The following GPHN variants were observed in gnomAD, a reference collection of about 807,000 sequenced individuals.
GPHN encodes gephyrin.
A neutral mutation model predicts 95.5 loss-of-function variants in GPHN; 17 were observed. The observed-to-expected ratio is 0.18, with a 90% CI of 0.12 to 0.27. The LOEUF (loss-of-function observed/expected upper bound fraction) is 0.27. Among genes scored for constraint, GPHN ranks in the 10% least tolerant of loss-of-function variants. The pLI is 1.00. For missense variants in GPHN, 660 were observed against 978.1 expected, an observed-to-expected ratio of 0.67 and a Z score of 4.34; for synonymous variants, 320 against 322.5, an observed-to-expected ratio of 0.99 and a Z score of 0.08.
At chr14:66,601,438 C>T (rs1199650432) in intron 1 of GPHN, among the ~76,000 whole-genome samples, 2 of 151,854 alleles carry the variant, frequency 1.3e-5, no homozygotes, top group Non-Finnish European at 2.9e-5. Flanking sequence ...ACATCAAATA[C>T]GTTCAATGAT....
the GPHN span, chr14:67,338,425 A>C: frequency 1.8e-6 from 1 of 570,396 alleles, no homozygotes; most frequent in East Asian, 3.0e-5. Flanking sequence ...GGTTTTACAG[A>C]TCTCTTTCAT....
intron 18 of GPHN, among the ~76,000 whole-genome samples, chr14:67,144,215 C>T: frequency 8.5e-6 from 1 of 116,992 alleles, no homozygotes. Context: ...CCAACCTGGG[C>T]AACACAGCAA....
chr14:67,195,193 A>G, the GPHN span, among the ~76,000 whole-genome samples: 14 of 152,254 alleles, frequency 9.2e-5, no homozygotes, highest in Admixed American at 4.6e-4. Flanking sequence ...AGTTGATAAA[A>G]GAGCCTGTTA....
chr14:66,817,379 A>C (rs1295145184), intron 3 of GPHN, among the ~76,000 whole-genome samples: 1 of 152,192 alleles, frequency 6.6e-6, no homozygotes, highest in Non-Finnish European at 1.5e-5. Context: ...GCTTACCTTT[A>C]GAACTATTTT....
At chr14:66,904,697 G>T (rs926892757) in intron 5 of GPHN, among the ~76,000 whole-genome samples, 1 of 152,142 alleles carries the variant, frequency 6.6e-6, no homozygotes, top group Admixed American at 6.6e-5. Context: ...CTGGAAAGGG[G>T]CACAGAAGGG....
At chr14:67,683,817 C>A in the GPHN span, among the ~76,000 whole-genome samples, 3 of 152,206 alleles carry the variant, frequency 2.0e-5, no homozygotes, top group Non-Finnish European at 2.9e-5. Context: ...CCTCTCCCTA[C>A]TAATATTTTA....
the GPHN span, among the ~76,000 whole-genome samples, chr14:67,697,123 G>A: frequency 1.3e-3 from 192 of 152,298 alleles, no homozygotes; most frequent in Non-Finnish European, 2.3e-3. Flanking sequence ...TAGGCACTGT[G>A]CTGATGTCCA....
chr14:66,807,000 A>T (rs1278965485), intron 3 of GPHN, among the ~76,000 whole-genome samples: 1 of 152,176 alleles, frequency 6.6e-6, no homozygotes, highest in Non-Finnish European at 1.5e-5. Context: ...ATAAAGACAT[A>T]CCCGAGACTC....
chr14:66,970,085 G>GTTTTTTTTTTT (rs76967963), intron 9 of GPHN, among the ~76,000 whole-genome samples: 5 of 99,022 alleles, frequency 5.0e-5, no homozygotes, highest in Non-Finnish European at 4.3e-5. Flanking sequence ...AGCAAGTTGT[G>GTTTTTTTTTTT]TTTTTTTTTT....
intron 6 of GPHN, among the ~76,000 whole-genome samples, chr14:66,920,393 G>C (rs541011452): frequency 6.6e-6 from 1 of 152,080 alleles, no homozygotes. Flanking sequence ...ACCCTGGCTG[G>C]AATGCAGTTA....
chr14:66,972,903 T>A (rs1939912699), intron 9 of GPHN, among the ~76,000 whole-genome samples: 2 of 152,288 alleles, frequency 1.3e-5, no homozygotes, highest in Middle Eastern at 6.8e-3. Flanking sequence ...TATACTAGGA[T>A]GTCAATCCAC....
At chr14:67,665,652 A>G in the GPHN span, among the ~76,000 whole-genome samples, 1 of 152,182 alleles carries the variant, frequency 6.6e-6, no homozygotes, top group African/African-American at 2.4e-5. Context: ...CCTCTGAAAC[A>G]TGGAAATTTA....
intron 1 of GPHN, among the ~76,000 whole-genome samples, chr14:66,659,783 A>G (rs1052549299): frequency 5.3e-5 from 8 of 151,896 alleles, no homozygotes; most frequent in African/African-American, 1.5e-4. Flanking sequence ...CCATGTTTTT[A>G]TAGTCAACAT....
chr14:67,121,033 G>A (rs2078984925), intron 16 of GPHN, among the ~76,000 whole-genome samples: 1 of 152,176 alleles, frequency 6.6e-6, no homozygotes, highest in African/African-American at 2.4e-5. Flanking sequence ...TGTGGTTATT[G>A]TCTGGGAGAA....
intron 1 of GPHN, among the ~76,000 whole-genome samples, chr14:66,536,831 A>G (rs558954038): frequency 6.6e-6 from 1 of 152,066 alleles, no homozygotes; most frequent in East Asian, 1.9e-4. Context: ...CTGTTCTCTC[A>G]GTTTTGAGAG....
At chr14:67,287,284 A>T in the GPHN span, among the ~76,000 whole-genome samples, 5 of 150,850 alleles carry the variant, frequency 3.3e-5, no homozygotes, top group African/African-American at 9.8e-5. Flanking sequence ...CTGTGGCAAA[A>T]TAGGTCTTTT....
chr14:67,202,302 T>C, the GPHN span, among the ~76,000 whole-genome samples: 29 of 152,200 alleles, frequency 1.9e-4, no homozygotes, highest in East Asian at 4.3e-3. Flanking sequence ...TTAGCCGGGC[T>C]TGGTGGCATG....
At chr14:67,401,345 T>C in the GPHN span, among the ~76,000 whole-genome samples, 1 of 151,482 alleles carries the variant, frequency 6.6e-6, no homozygotes, top group South Asian at 2.1e-4. Context: ...AATAAATAAA[T>C]AAACAAATAA....
intron 12 of GPHN, among the ~76,000 whole-genome samples, chr14:67,091,025 T>G (rs1333676771): frequency 1.3e-5 from 2 of 152,054 alleles, no homozygotes; most frequent in East Asian, 3.9e-4. Flanking sequence ...ATAGTAACCA[T>G]TATTATCATA....
Sources: allele counts gnomAD v4.1 joint callset (sites outside exome capture counted in the v4.1 genomes callset), GRCh38; gene constraint gnomAD v4.1.1; transcripts MANE v1.5; gene names NCBI Gene and HGNC (gene_info 2026-07-23, HGNC 2026-07-21).